The following ZNF506 variants were observed in gnomAD, a reference collection of about 807,000 sequenced individuals.
ZNF506 encodes the protein zinc finger protein 506.
Under a neutral mutation model 11.6 loss-of-function variants are expected in ZNF506, and 10 were observed. The ratio of observed to expected loss-of-function variants is 0.86; its 90% CI spans 0.53 to 1.46. The LOEUF is 1.46. ZNF506 is among the 40% of genes most tolerant of loss of function. The pLI is 0.00. For missense variants in ZNF506, 425 were observed against 521.2 expected (o/e 0.82, Z 1.80); for synonymous variants, 156 against 173.3 (o/e 0.90, Z 0.78).
chr19:19,809,748 T>C (rs974253911), intron 1 of ZNF506, among the ~76,000 whole-genome samples: 1 of 152,042 alleles, frequency 6.6e-6, no homozygotes, highest in African/African-American at 2.4e-5. Context: ...GCTACAGTAA[T>C]GGAAATATGT....
At chr19:19,798,647 T>C (rs1599509512) in intron 3 of ZNF506, 1 of 87,432 alleles carries the variant, frequency 1.1e-5, no homozygotes, top group African/African-American at 5.3e-5. Flanking sequence ...AGAGCGAGAC[T>C]CCGTCTCAAA....
At chr19:19,814,206 T>C (rs1046534865) in intron 1 of ZNF506, among the ~76,000 whole-genome samples, 1 of 151,870 alleles carries the variant, frequency 6.6e-6, no homozygotes, top group Admixed American at 6.6e-5. Flanking sequence ...GTGCGGAGTT[T>C]GAGACCAGCC....
intron 1 of ZNF506, among the ~76,000 whole-genome samples, chr19:19,808,032 A>G (rs1325314450): frequency 6.6e-6 from 1 of 151,134 alleles, no homozygotes; most frequent in African/African-American, 2.4e-5. Flanking sequence ...CTGCATAAAG[A>G]TACTTAATAA....
chr19:19,810,411 A>T (rs1386664165), intron 1 of ZNF506, among the ~76,000 whole-genome samples: 2 of 152,238 alleles, frequency 1.3e-5, no homozygotes, highest in Non-Finnish European at 2.9e-5. Flanking sequence ...TTAAGCAGGT[A>T]CTATGTGCTC....
Position 19,794,554 on chromosome 19 carries a change from A to G in ZNF506, c.1333T>C (p.Ter445GlnextTer23). 1 of 1,587,774 alleles carries G rather than the reference A, an allele frequency of 6.3e-7. No individual in the cohort carries two copies. Among genetic ancestry groups the G allele is most frequent in the Non-Finnish European group, 8.6e-7 (1 of 1,169,038 alleles). Residue 445 changes from the stop codon to glutamine, a stop_lost, in exon 4 of 4, where the codon TAA (stop) becomes CAA (glutamine). Coordinates refer to ENST00000540806, the MANE Select transcript of ZNF506 (RefSeq NM_001099269.3). ...ATACGGTTTCTCTCCAGTATGAATTATCTTATGCTTATTAAGGGTTGAGGA... is the reference window on the plus strand; with the variant it reads ...ATACGGTTTCTCTCCAGTATGAATTGTCTTATGCTTATTAAGGGTTGAGGA... ...NVPQPLISIR[*>Q] is the part of the protein sequence containing the mutation.
At chr19:19,809,654 C>G (rs1033642320) in intron 1 of ZNF506, among the ~76,000 whole-genome samples, 4 of 152,168 alleles carry the variant, frequency 2.6e-5, no homozygotes, top group Non-Finnish European at 5.9e-5. Flanking sequence ...GATTCAGGAA[C>G]AATGAGCTGC....
chr19:19,799,195 G>A, intron 3 of ZNF506: 1 of 328,776 alleles, frequency 3.0e-6, no homozygotes, highest in Non-Finnish European at 5.5e-6. Flanking sequence ...GCGTGTGTGT[G>A]TCTCAAATTG....
At position 19,795,012 on chromosome 19, in the gene ZNF506, T is replaced by TA. The variant is rs2062727040; in HGVS notation, c.874_875insT (p.Lys292IlefsTer11). The TA allele has an allele frequency of 6.2e-7, 1 of 1,613,872 alleles. No homozygotes were observed. Among genetic ancestry groups the TA allele is most frequent in the Non-Finnish European group, 8.5e-7 (1 of 1,179,974 alleles). On this transcript the variant is annotated frameshift_variant, in exon 4 of 4. Coordinates refer to ENST00000540806, the MANE Select transcript of ZNF506 (RefSeq NM_001099269.3). LOFTEE classifies it low-confidence loss of function (END_TRUNC). ...AAGGGTTGAGGATGAAATAAAGGCT[T>TA]TGCCACATTTATCACACTTGTATGG...
chr19:19,803,251 A>G (rs1425339536), intron 3 of ZNF506, among the ~76,000 whole-genome samples: 1 of 152,212 alleles, frequency 6.6e-6, no homozygotes, highest in Non-Finnish European at 1.5e-5. Flanking sequence ...CTGCCATTCC[A>G]GAGACCTGGA....
Position 19,792,903 on chromosome 19 carries a change from T to C in ZNF506, c.*1649A>G, listed in dbSNP as rs374658959. 6.0e-4 allele frequency among the ~76,000 whole-genome samples: 92 copies of C among 152,128 alleles called. 1 individual carries two copies. The highest frequency in any genetic ancestry group is 2.1e-3 in the African/African-American group (89 of 41,400). ...TATACATTACTTAATATAAGTTAAC[T>C]ACAAAGAGCCTCTCCACTTACATTT... On this transcript the variant is annotated 3_prime_UTR_variant, in exon 4 of 4. Transcript: ENST00000540806.
chr19:19,816,565 A>C (rs180751630), intron 1 of ZNF506, among the ~76,000 whole-genome samples: 2 of 152,058 alleles, frequency 1.3e-5, no homozygotes, highest in Non-Finnish European at 2.9e-5. Flanking sequence ...TCACCCTGTT[A>C]GCCAGGATGG....
intron 2 of ZNF506, 112 bp downstream of exon 2, chr19:19,806,830 G>T (rs1044682264): frequency 6.0e-5 from 76 of 1,273,194 alleles, no homozygotes; most frequent in Non-Finnish European, 7.7e-5. Context: ...CTGGAAAAAG[G>T]AGATCTGAAA....
intron 1 of ZNF506, among the ~76,000 whole-genome samples, chr19:19,819,426 G>T (rs1005261354): frequency 6.6e-6 from 1 of 151,788 alleles, no homozygotes; most frequent in African/African-American, 2.4e-5. Flanking sequence ...CAACCCCAAG[G>T]CTGCCACCTG....
chr19:19,810,308 G>T (rs1471810327), intron 1 of ZNF506, among the ~76,000 whole-genome samples: 1 of 152,110 alleles, frequency 6.6e-6, no homozygotes, highest in East Asian at 1.9e-4. Flanking sequence ...TATATTCTTT[G>T]CTGGTTCTTT....
At chr19:19,810,147 C>G (rs985815272) in intron 1 of ZNF506, among the ~76,000 whole-genome samples, 78 of 152,264 alleles carry the variant, frequency 5.1e-4, no homozygotes, top group African/African-American at 1.8e-3. Flanking sequence ...TAAACAAGTT[C>G]CCTGTCAATG....
At chr19:19,810,930 A>G (rs2062878415) in intron 1 of ZNF506, among the ~76,000 whole-genome samples, 1 of 152,196 alleles carries the variant, frequency 6.6e-6, no homozygotes, top group African/African-American at 2.4e-5. Context: ...TCAGAACTAA[A>G]TAGTCTCCAA....
At chr19:19,816,592 T>G (rs1454748716) in intron 1 of ZNF506, among the ~76,000 whole-genome samples, 1 of 152,082 alleles carries the variant, frequency 6.6e-6, no homozygotes, top group African/African-American at 2.4e-5. Flanking sequence ...TCTCCTGACC[T>G]CGTGATTCAC....
intron 3 of ZNF506, among the ~76,000 whole-genome samples, chr19:19,803,204 A>C (rs1420969804): frequency 6.6e-6 from 1 of 152,194 alleles, no homozygotes; most frequent in East Asian, 1.9e-4. Flanking sequence ...CTCTCTAACT[A>C]TCCGAAACTC....
intron 1 of ZNF506, among the ~76,000 whole-genome samples, chr19:19,813,578 T>C (rs1599525815): frequency 6.6e-6 from 1 of 152,112 alleles, no homozygotes; most frequent in Non-Finnish European, 1.5e-5. Flanking sequence ...TAAATTATAT[T>C]ATAAAGACAC....
Sources: gnomAD v4.1 joint callset for allele counts (sites outside exome capture counted in the v4.1 genomes callset) on GRCh38, gnomAD v4.1.1 for gene constraint, MANE v1.5 for transcripts, NCBI Gene and HGNC (gene_info 2026-07-23, HGNC 2026-07-21) for gene names.